The following ADORA2B variants were observed in gnomAD, a reference collection of about 807,000 sequenced individuals.
ADORA2B encodes the protein adenosine receptor A2b.
Under a neutral mutation model 20.8 loss-of-function variants are expected in ADORA2B, and 18 were observed. That is an observed-to-expected ratio of 0.87 (90% CI 0.60 to 1.29). The LOEUF (loss-of-function observed/expected upper bound fraction) is 1.29. Among genes scored for constraint, ADORA2B ranks in the 50% most tolerant of loss-of-function variants. The pLI, the probability that ADORA2B is intolerant of heterozygous loss-of-function variation, is 0.00. For missense variants in ADORA2B, 441 were observed against 422.7 expected (o/e 1.04, Z -0.38); for synonymous variants, 179 against 178.3 (o/e 1.00, Z -0.03).
intron 1 of ADORA2B, among the ~76,000 whole-genome samples, chr17:15,948,640 A>G (rs1397457748): frequency 6.6e-6 from 1 of 152,076 alleles, no homozygotes; most frequent in East Asian, 1.9e-4. Flanking sequence ...TGTGGCATTG[A>G]GTCTCTGGCA....
At chr17:15,883,850 C>G in the ADORA2B span, among the ~76,000 whole-genome samples, 2 of 152,162 alleles carry the variant, frequency 1.3e-5, no homozygotes, top group South Asian at 2.1e-4. Context: ...CTGTCTCCAT[C>G]CATGTGATGA....
the ADORA2B span, among the ~76,000 whole-genome samples, chr17:15,874,050 A>ATATATACGTG: frequency 8.7e-6 from 1 of 114,660 alleles, no homozygotes; most frequent in Admixed American, 9.4e-5. Flanking sequence ...GTGTATATAT[A>ATATATACGTG]TATATATATG....
At chr17:15,879,601 G>A in the ADORA2B span, among the ~76,000 whole-genome samples, 1,038 of 147,366 alleles carry the variant, frequency 7.0e-3, 17 homozygotes, top group African/African-American at 0.025. Context: ...GCAGTGGCAC[G>A]ATCTCCCCTC....
chr17:15,916,128 C>T, the ADORA2B span, among the ~76,000 whole-genome samples: 6 of 152,198 alleles, frequency 3.9e-5, no homozygotes, highest in African/African-American at 1.2e-4. Flanking sequence ...TGCCTGCTTA[C>T]GAACAGGCGA....
At chr17:15,852,064 C>T in the ADORA2B span, among the ~76,000 whole-genome samples, 12,457 of 152,138 alleles carry the variant, frequency 0.082, 1,429 homozygotes, top group African/African-American at 0.25. Context: ...ACATACTTTG[C>T]CTGTATTTAT....
intron 1 of ADORA2B, among the ~76,000 whole-genome samples, chr17:15,962,707 G>A (rs1483103546): frequency 6.6e-6 from 1 of 151,952 alleles, no homozygotes; most frequent in African/African-American, 2.4e-5. Flanking sequence ...TAGTAGAGAC[G>A]GGGTTTCACC....
the ADORA2B span, among the ~76,000 whole-genome samples, chr17:15,905,070 G>C: frequency 9.7e-4 from 147 of 152,226 alleles, 1 homozygote; most frequent in Middle Eastern, 3.4e-3. Context: ...AAAAAAAAAG[G>C]TTTGCTAGAA....
chr17:15,938,426 C>T, the ADORA2B span, among the ~76,000 whole-genome samples: 1 of 152,146 alleles, frequency 6.6e-6, no homozygotes. Context: ...CCTCAGCCTC[C>T]TGAGTAGCTG....
chr17:15,938,583 T>C, the ADORA2B span, among the ~76,000 whole-genome samples: 4 of 152,238 alleles, frequency 2.6e-5, no homozygotes, highest in Admixed American at 6.5e-5. Flanking sequence ...ATTACAGGCA[T>C]GAGCCACCAT....
At chr17:15,880,934 T>C in the ADORA2B span, among the ~76,000 whole-genome samples, 1 of 152,184 alleles carries the variant, frequency 6.6e-6, no homozygotes, top group Non-Finnish European at 1.5e-5. Context: ...TAAAGTACTT[T>C]TTAAACATTT....
the ADORA2B span, among the ~76,000 whole-genome samples, chr17:15,919,125 C>T: frequency 6.6e-6 from 1 of 152,198 alleles, no homozygotes; most frequent in Admixed American, 6.5e-5. Context: ...GCAGTGTGAC[C>T]TCCTCGTTGC....
At chr17:15,884,630 C>G in the ADORA2B span, among the ~76,000 whole-genome samples, 41 of 152,202 alleles carry the variant, frequency 2.7e-4, no homozygotes, top group African/African-American at 9.9e-4. Flanking sequence ...TCCATGTGTT[C>G]GCATCATTCA....
chr17:15,919,667 A>ATT, the ADORA2B span, among the ~76,000 whole-genome samples: 3 of 151,962 alleles, frequency 2.0e-5, no homozygotes, highest in Non-Finnish European at 4.4e-5. Flanking sequence ...GCATGTTGCA[A>ATT]GGGTTGAGCC....
At chr17:15,942,469 G>A (rs115081548), upstream of ADORA2B, among the ~76,000 whole-genome samples, 3,694 of 152,170 alleles carry the variant, frequency 0.024, 159 homozygotes, top group African/African-American at 0.084. Flanking sequence ...TCTTTTCTTT[G>A]TAAATTACCC....
chr17:15,905,059 CA>C, the ADORA2B span, among the ~76,000 whole-genome samples: 10 of 150,162 alleles, frequency 6.7e-5, no homozygotes, highest in Non-Finnish European at 1.0e-4. Context: ...CATTATCTAC[CA>C]AAAAAAAAGG....
At chr17:15,899,515 C>T in the ADORA2B span, among the ~76,000 whole-genome samples, 2 of 152,092 alleles carry the variant, frequency 1.3e-5, no homozygotes, top group Admixed American at 1.3e-4. Flanking sequence ...TGGCATGCTG[C>T]TGAGGTTTGG....
intron 1 of ADORA2B, among the ~76,000 whole-genome samples, chr17:15,959,872 A>G (rs1020822341): frequency 2.0e-5 from 3 of 152,198 alleles, no homozygotes; most frequent in African/African-American, 7.2e-5. Flanking sequence ...ATATCTTTAT[A>G]GTTGTTCTTT....
chr17:15,945,446 C>T lies in ADORA2B; in HGVS notation c.198C>T (p.Thr66=), dbSNP rs776464803. The change falls in exon 1 of 2, where the codon ACC becomes ACT. Residue 66 remains threonine (T), a synonymous_variant. Coordinates refer to ENST00000304222, the MANE Select transcript of ADORA2B (RefSeq NM_000676.4). ...VGLFAIPFAI[T]ISLGFCTDFY... is the part of the protein sequence containing the mutation. ...TCTTCGCCATCCCCTTTGCCATCAC[C>T]ATCAGCCTGGGCTTCTGCACTGACT... 2.5e-6 allele frequency: 4 copies of T among 1,613,756 alleles called. No homozygotes were observed. The highest frequency in any genetic ancestry group is 3.4e-6 in the Non-Finnish European group (4 of 1,179,980).
the ADORA2B span, among the ~76,000 whole-genome samples, chr17:15,901,081 G>A: frequency 2.6e-4 from 39 of 152,090 alleles, no homozygotes; most frequent in African/African-American, 9.4e-4. Context: ...ACTGGGTGCT[G>A]CAGGCTCCCT....
Sources: allele counts gnomAD v4.1 joint callset (sites outside exome capture counted in the v4.1 genomes callset), GRCh38; gene constraint gnomAD v4.1.1; transcripts MANE v1.5; gene names NCBI Gene and HGNC (gene_info 2026-07-23, HGNC 2026-07-21).